TMEM26: variants seen among roughly 807,000 people sequenced by gnomAD.
TMEM26 encodes transmembrane protein 26.
A neutral mutation model predicts 28.8 loss-of-function variants in TMEM26; 38 were observed. The ratio of observed to expected loss-of-function variants is 1.32; its 90% confidence interval spans 1.02 to 1.73. TMEM26 has a LOEUF of 1.73. TMEM26 is among the 40% of genes most tolerant of loss of function. The pLI is 0.00. For synonymous variants in TMEM26, 227 were observed against 182.9 expected, an observed-to-expected ratio of 1.24 and a Z score of -1.95; for missense variants, 518 against 447.1, an observed-to-expected ratio of 1.16 and a Z score of -1.43.
chr10:61,450,750 C>T (rs1177840315), intron 1 of TMEM26, among the ~76,000 whole-genome samples: 2 of 152,094 alleles, frequency 1.3e-5, no homozygotes, highest in South Asian at 2.1e-4. Context: ...GTCTGTTCTT[C>T]CAAAATAAAG....
intron 4 of TMEM26, among the ~76,000 whole-genome samples, chr10:61,416,354 T>A (rs1202746019): frequency 6.6e-6 from 1 of 152,192 alleles, no homozygotes; most frequent in East Asian, 1.9e-4. Flanking sequence ...AGAAATAGGA[T>A]GTGAGATTCT....
chr10:61,450,653 CT>C (rs1307989065), intron 1 of TMEM26, among the ~76,000 whole-genome samples: 1 of 152,108 alleles, frequency 6.6e-6, no homozygotes, highest in Non-Finnish European at 1.5e-5. Flanking sequence ...CAACTTTTTT[CT>C]TTGCTTATTT....
At chr10:61,433,301 A>C (rs889561578) in intron 2 of TMEM26, among the ~76,000 whole-genome samples, 1 of 152,126 alleles carries the variant, frequency 6.6e-6, no homozygotes, top group Non-Finnish European at 1.5e-5. Context: ...GCAGTGAACA[A>C]GTGACTTCAC....
intron 1 of TMEM26, among the ~76,000 whole-genome samples, chr10:61,436,781 C>G (rs1024371806): frequency 4.6e-5 from 7 of 152,072 alleles, no homozygotes; most frequent in African/African-American, 1.7e-4. Context: ...GTTTGCTAAA[C>G]CTATAAAATA....
chr10:61,439,046 GCT>G (rs1459795934), intron 1 of TMEM26, among the ~76,000 whole-genome samples: 2 of 152,112 alleles, frequency 1.3e-5, no homozygotes, highest in African/African-American at 4.8e-5. Flanking sequence ...AGTGCTCTCT[GCT>G]CTTTTAGTTT....
At chr10:61,425,189 T>C (rs61850627) in intron 4 of TMEM26, among the ~76,000 whole-genome samples, 2,372 of 152,162 alleles carry the variant, frequency 0.016, 34 homozygotes, top group Admixed American at 0.039. Flanking sequence ...TTTAAAACTA[T>C]CAGATTTTGT....
At chr10:61,444,544 A>G (rs528323952) in intron 1 of TMEM26, among the ~76,000 whole-genome samples, 12 of 151,804 alleles carry the variant, frequency 7.9e-5, no homozygotes, top group African/African-American at 2.9e-4. Context: ...GCAAGAGTGT[A>G]TCTGAGCCAG....
intron 1 of TMEM26, among the ~76,000 whole-genome samples, chr10:61,441,942 A>G (rs1840099669): frequency 6.6e-6 from 1 of 152,064 alleles, no homozygotes; most frequent in Admixed American, 6.5e-5. Flanking sequence ...CTCTTAGCCT[A>G]CCTACCAATT....
Position 61,453,362 on chromosome 10 carries a change from G to A in TMEM26, c.-281C>T, listed in dbSNP as rs1010251261. 8.9e-5 allele frequency: 32 copies of A among 361,564 alleles called. No individual in the cohort carries two copies. Among genetic ancestry groups the A allele is most frequent in the Non-Finnish European group, 1.6e-4 (31 of 192,726 alleles). The allele number at this position is 361,564 out of a possible 1,614,324, so 22.4% of individuals were successfully genotyped here. The stretch of plus-strand genomic sequence containing the variant: ...CTGGGGCTGCGCTGCCCTGTCTCCA[G>A]GGCGTTATTCTCCAGCGCTGCCCAT... On this transcript the variant is annotated 5_prime_UTR_variant, in exon 1 of 6. Transcript: ENST00000399298.
At chr10:61,444,778 G>A (rs576211373) in intron 1 of TMEM26, among the ~76,000 whole-genome samples, 5 of 152,064 alleles carry the variant, frequency 3.3e-5, no homozygotes, top group South Asian at 2.1e-4. Context: ...AGTTGATGGA[G>A]TAAGGGGAGG....
At chr10:61,435,767 G>C (rs1004135650) in intron 2 of TMEM26, among the ~76,000 whole-genome samples, 2 of 152,150 alleles carry the variant, frequency 1.3e-5, no homozygotes, top group African/African-American at 4.8e-5. Context: ...ATTCCTAAAA[G>C]TGTCACTTTA....
intron 2 of TMEM26, 85 bp from the exon 3 acceptor site, chr10:61,431,417 G>T (rs1056795211): frequency 8.4e-6 from 8 of 949,190 alleles, no homozygotes. Context: ...CTGTTCAAGA[G>T]ATTATGAGCA....
Position 61,410,718 on chromosome 10 carries a change from C to A in TMEM26, c.711G>T (p.Val237=). Residue 237 remains valine, a synonymous_variant, in exon 6 of 6, where the codon GTG becomes GTT. Coordinates refer to ENST00000399298, the MANE Select transcript of TMEM26 (RefSeq NM_178505.8). ...ACAGGCTGGGGAATCCCCTCTCTGT[C>A]ACAGACACAGGGCACACAACGTTCT... ...AVQNVVCPVS[V]TERGFPSLFF... is the part of the protein sequence containing the mutation. The A allele has an allele frequency of 6.2e-7, 1 of 1,614,064 alleles. No homozygotes were observed. The highest frequency in any genetic ancestry group is 8.5e-7 in the Non-Finnish European group (1 of 1,180,006).
chr10:61,425,928 C>G (rs967420145), intron 4 of TMEM26, among the ~76,000 whole-genome samples: 1 of 152,012 alleles, frequency 6.6e-6, no homozygotes, highest in Non-Finnish European at 1.5e-5. Context: ...ACCAGCCATT[C>G]CACTCTTAGG....
At chr10:61,419,034 G>A (rs1175438776) in intron 4 of TMEM26, among the ~76,000 whole-genome samples, 1 of 152,062 alleles carries the variant, frequency 6.6e-6, no homozygotes, top group Non-Finnish European at 1.5e-5. Context: ...ATAGCCATAG[G>A]TGTGACCACT....
intron 4 of TMEM26, among the ~76,000 whole-genome samples, chr10:61,421,971 A>T (rs1240504820): frequency 1.3e-5 from 2 of 152,092 alleles, no homozygotes; most frequent in Non-Finnish European, 2.9e-5. Flanking sequence ...TAAAAGAATA[A>T]AAAAAGATAT....
At chr10:61,451,697 T>C (rs1375775512) in intron 1 of TMEM26, among the ~76,000 whole-genome samples, 2 of 152,196 alleles carry the variant, frequency 1.3e-5, no homozygotes, top group Non-Finnish European at 2.9e-5. Flanking sequence ...ATTCCCATCC[T>C]GGTCGTATTA....
chr10:61,420,937 TAAA>T (rs1266815115), intron 4 of TMEM26, among the ~76,000 whole-genome samples: 1 of 151,982 alleles, frequency 6.6e-6, no homozygotes, highest in Non-Finnish European at 1.5e-5. Flanking sequence ...TTTAAAACCT[TAAA>T]AGATTATATA....
chr10:61,449,754 CTTTA>C (rs1286192881), intron 1 of TMEM26, among the ~76,000 whole-genome samples: 1 of 152,066 alleles, frequency 6.6e-6, no homozygotes, highest in Non-Finnish European at 1.5e-5. Context: ...ATTTATTCCT[CTTTA>C]TTTATTTTCA....
Sources: allele counts gnomAD v4.1 joint callset (sites outside exome capture counted in the v4.1 genomes callset), GRCh38; gene constraint gnomAD v4.1.1; transcripts MANE v1.5; gene names NCBI Gene and HGNC (gene_info 2026-07-23, HGNC 2026-07-21).